The following CNTNAP2 variants were observed in gnomAD, a reference collection of about 807,000 sequenced individuals.
The protein encoded by CNTNAP2 is contactin-associated protein-like 2.
In CNTNAP2, 98 loss-of-function variants were observed where a neutral mutation model predicts 155.2. The ratio of observed to expected loss-of-function variants is 0.63; its 90% CI spans 0.54 to 0.75. The LOEUF (loss-of-function observed/expected upper bound fraction) is 0.75. Among genes scored for constraint, CNTNAP2 ranks in the 30% least tolerant of loss-of-function variants. The pLI is 0.00. For synonymous variants in CNTNAP2, 651 were observed against 631.2 expected, an observed-to-expected ratio of 1.03 and a Z score of -0.47; for missense variants, 1,727 against 1,688.1, an observed-to-expected ratio of 1.02 and a Z score of -0.40.
intron 1 of CNTNAP2, among the ~76,000 whole-genome samples, chr7:146,280,551 T>A (rs1301187199): frequency 6.6e-6 from 1 of 152,160 alleles, no homozygotes; most frequent in Non-Finnish European, 1.5e-5. Flanking sequence ...TAGGTACTAG[T>A]AATGAACCCT....
chr7:147,802,252 T>A (rs1354846532), intron 13 of CNTNAP2, among the ~76,000 whole-genome samples: 1 of 138,378 alleles, frequency 7.2e-6, no homozygotes, highest in African/African-American at 2.7e-5. Flanking sequence ...ACTTCCCAGA[T>A]GGGATGGCGG....
chr7:147,176,917 TTAA>T (rs965348437), intron 8 of CNTNAP2, among the ~76,000 whole-genome samples: 14 of 122,102 alleles, frequency 1.1e-4, no homozygotes, highest in African/African-American at 5.5e-4. Flanking sequence ...ATATATAATT[TTAA>T]TAATATAATA....
At chr7:147,571,124 T>TTTA (rs1206733984) in intron 12 of CNTNAP2, among the ~76,000 whole-genome samples, 3 of 152,092 alleles carry the variant, frequency 2.0e-5, no homozygotes, top group African/African-American at 4.8e-5. Context: ...AGTTCTTTTT[T>TTTA]TTATTATTAT....
At chr7:148,396,473 C>CAATTGTCAGAATTCCCAGGTGTG (rs1799470273) in intron 22 of CNTNAP2, among the ~76,000 whole-genome samples, 1 of 152,144 alleles carries the variant, frequency 6.6e-6, no homozygotes, top group Non-Finnish European at 1.5e-5. Flanking sequence ...TTTAAAAAGA[C>CAATTGTCAGAATTCCCAGGTGTG]AATTGTCAGA....
intron 1 of CNTNAP2, among the ~76,000 whole-genome samples, chr7:146,311,468 T>TA (rs1414886289): frequency 6.6e-6 from 1 of 151,994 alleles, no homozygotes; most frequent in Non-Finnish European, 1.5e-5. Flanking sequence ...CATTGTTTAT[T>TA]AAAAATATGA....
chr7:147,889,680 G>A (rs979744595), intron 13 of CNTNAP2, among the ~76,000 whole-genome samples: 2 of 152,126 alleles, frequency 1.3e-5, no homozygotes, highest in African/African-American at 4.8e-5. Context: ...GTACAGAGCA[G>A]CAGTATCCAA....
intron 1 of CNTNAP2, among the ~76,000 whole-genome samples, chr7:146,240,201 G>C (rs992619199): frequency 2.0e-5 from 3 of 152,102 alleles, no homozygotes; most frequent in Non-Finnish European, 4.4e-5. Flanking sequence ...GCACAGAAAT[G>C]AATTTATCTA....
At chr7:146,504,984 A>G (rs1584955044) in intron 1 of CNTNAP2, among the ~76,000 whole-genome samples, 1 of 152,194 alleles carries the variant, frequency 6.6e-6, no homozygotes, top group East Asian at 1.9e-4. Context: ...TGCTCTACAC[A>G]TCATGATACC....
At chr7:147,760,433 G>T (rs755708856) in intron 13 of CNTNAP2, among the ~76,000 whole-genome samples, 4 of 152,078 alleles carry the variant, frequency 2.6e-5, no homozygotes, top group Non-Finnish European at 5.9e-5. Flanking sequence ...CATACTCTCA[G>T]CCACTTTGAG....
intron 11 of CNTNAP2, among the ~76,000 whole-genome samples, chr7:147,536,329 G>C (rs1336545999): frequency 6.6e-6 from 1 of 152,240 alleles, no homozygotes; most frequent in African/African-American, 2.4e-5. Flanking sequence ...AGTAGGTACA[G>C]ATAAAGTCCC....
chr7:146,763,133 C>T (rs1802133076), intron 1 of CNTNAP2, among the ~76,000 whole-genome samples: 1 of 152,196 alleles, frequency 6.6e-6, no homozygotes, highest in Non-Finnish European at 1.5e-5. Context: ...TCTGCAGTCT[C>T]TCTGGCCACT....
At chr7:148,255,734 C>T (rs912980621) in intron 20 of CNTNAP2, among the ~76,000 whole-genome samples, 1 of 152,202 alleles carries the variant, frequency 6.6e-6, no homozygotes, top group Non-Finnish European at 1.5e-5. Context: ...TTATACCTCT[C>T]ATTTTAAAAT....
chr7:147,428,588 CG>C (rs1797417986), intron 10 of CNTNAP2, among the ~76,000 whole-genome samples: 3 of 152,114 alleles, frequency 2.0e-5, no homozygotes, highest in Admixed American at 1.3e-4. Flanking sequence ...GTTTGTTCTA[CG>C]GAAGTTACCA....
At chr7:148,115,590 C>G (rs949138420) in intron 15 of CNTNAP2, among the ~76,000 whole-genome samples, 6 of 152,116 alleles carry the variant, frequency 3.9e-5, no homozygotes, top group African/African-American at 1.4e-4. Flanking sequence ...TCAGGACTCT[C>G]TGATGAGCGA....
rs115323487 is a variant in CNTNAP2, at chr7:146,873,412, A to G, written c.402+33508A>G. ...AAATTGGTCTGGCTCTTATTTTTTC[A>G]AAGGACGTAAGCTACTTCATTGTTG... is the stretch of plus-strand genomic sequence containing the variant. On this transcript the variant is annotated intron_variant, in intron 3 of 23. Transcript: ENST00000361727. 8.4e-3 allele frequency among the ~76,000 whole-genome samples: 1,280 copies of G among 152,228 alleles called. 17 individuals carry two copies. Among genetic ancestry groups the G allele is most frequent in the African/African-American group, 0.027 (1,136 of 41,538 alleles).
At chr7:146,767,348 C>G (rs1176168761) in intron 1 of CNTNAP2, among the ~76,000 whole-genome samples, 2 of 152,024 alleles carry the variant, frequency 1.3e-5, no homozygotes, top group Non-Finnish European at 2.9e-5. Flanking sequence ...TATGATAGAT[C>G]AGTAAGTGAA....
intron 8 of CNTNAP2, among the ~76,000 whole-genome samples, chr7:147,149,983 C>T (rs1801793863): frequency 6.6e-6 from 1 of 152,154 alleles, no homozygotes; most frequent in African/African-American, 2.4e-5. Context: ...AGGTTCCTCA[C>T]TTTATTTATA....
At chr7:146,649,238 C>A (rs2129163269) in intron 1 of CNTNAP2, among the ~76,000 whole-genome samples, 2 of 152,196 alleles carry the variant, frequency 1.3e-5, no homozygotes, top group Middle Eastern at 3.4e-3. Context: ...GATCTGTCTT[C>A]TAGCTGATAA....
At chr7:147,673,230 C>T (rs1795816823) in intron 13 of CNTNAP2, 1 of 152,312 alleles carries the variant, frequency 6.6e-6, no homozygotes, top group Admixed American at 6.5e-5. Flanking sequence ...CTCTGCCACA[C>T]TGCTGCAGTT....
Sources: gnomAD v4.1 joint callset for allele counts (sites outside exome capture counted in the v4.1 genomes callset) on GRCh38, gnomAD v4.1.1 for gene constraint, MANE v1.5 for transcripts, NCBI Gene and HGNC (gene_info 2026-07-23, HGNC 2026-07-21) for gene names.